CIT: variants seen among roughly 807,000 people sequenced by gnomAD.
The protein encoded by CIT is citron Rho-interacting kinase.
Under a neutral mutation model 272.7 loss-of-function variants are expected in CIT, and 79 were observed. The ratio of observed to expected loss-of-function variants is 0.29; its 90% CI spans 0.24 to 0.35. The LOEUF is 0.35. Ranked by LOEUF, CIT falls within the 10% of genes least tolerant of loss-of-function variation. The pLI is 1.00. For synonymous variants in CIT, 948 were observed against 995.6 expected (o/e 0.95, Z 0.90); for missense variants, 1,909 against 2,618.3 (o/e 0.73, Z 5.91).
At chr12:119,717,652 C>A (rs1957579863) in intron 32 of CIT, among the ~76,000 whole-genome samples, 1 of 150,588 alleles carries the variant, frequency 6.6e-6, no homozygotes, top group Non-Finnish European at 1.5e-5. Context: ...AACTCCTGAC[C>A]TCAGGTGATC....
Position 119,701,567 on chromosome 12 carries a change from A to T in CIT, c.5542+57T>A, listed in dbSNP as rs1020741303. 3 of 1,589,770 alleles carry T rather than the reference A, an allele frequency of 1.9e-6. No homozygotes were observed. In the East Asian group the frequency reaches 6.8e-5, roughly 36 times the overall value. On this transcript the variant is annotated intron_variant, in intron 43 of 47. Transcript: ENST00000392521. ...TCCATGTACCCTCCTCCAACCCCTC[A>T]TGGGTCCCTAGTGTCCATGAGGACC...
At position 119,686,024 on chromosome 12, in the gene CIT, C is replaced by T. The variant is rs1362685057; in HGVS notation, c.*2208G>A. ...GCATCTTGGTGGTCACACGGAGCTC[C>T]CCACCCTCCAGTGAAGATGGCTGTC... On this transcript the variant is annotated 3_prime_UTR_variant, in exon 48 of 48. Transcript: ENST00000392521. 1.3e-5 allele frequency: 2 copies of T among 152,216 alleles called. No individual in the cohort carries two copies. Among genetic ancestry groups the T allele is most frequent in the East Asian group, 1.9e-4 (1 of 5,168 alleles). The allele number at this position is 152,216 out of a possible 1,614,324, so 9.4% of individuals were successfully genotyped here.
At chr12:119,869,487 G>T (rs1045933834) in intron 2 of CIT, among the ~76,000 whole-genome samples, 1 of 152,226 alleles carries the variant, frequency 6.6e-6, no homozygotes, top group Non-Finnish European at 1.5e-5. Flanking sequence ...AGGGTCTGAG[G>T]CTAGTGAGAA....
rs1186165977 is a variant in CIT, at chr12:119,784,979, G to A, written c.1382C>T (p.Ser461Phe). 2 of 1,614,074 alleles carry A rather than the reference G, an allele frequency of 1.2e-6. No individual in the cohort carries two copies. The highest frequency in any genetic ancestry group is 1.7e-6 in the Non-Finnish European group (2 of 1,180,046). ...LLIKSKELQDSQDKCHKMEQE... is the reference protein window; with the variant it reads ...LLIKSKELQDFQDKCHKMEQE... ...AAATACCTTGTGACACTTGTCCTGA[G>A]AGTCTTGTAGCTCTTTGCTTTTGAT... is the stretch of plus-strand genomic sequence containing the variant. The change falls in exon 11 of 48, where the codon TCT becomes TTT. Residue 461 changes from serine to phenylalanine, a missense_variant. By Grantham distance (155) the Ser-to-Phe change is radical. Transcript: ENST00000392521. The surrounding 1 kb of genome is among the most constrained non-coding windows in gnomAD (Gnocchi z 4.7).
intron 3 of CIT, among the ~76,000 whole-genome samples, chr12:119,866,689 T>C (rs1007482061): frequency 6.6e-6 from 1 of 152,090 alleles, no homozygotes; most frequent in Admixed American, 6.6e-5. Context: ...AGTGGTGGCA[T>C]GGGCCTGTAG....
At chr12:119,754,870 G>A (rs1349367432) in intron 22 of CIT, among the ~76,000 whole-genome samples, 1 of 152,208 alleles carries the variant, frequency 6.6e-6, no homozygotes, top group Non-Finnish European at 1.5e-5. Flanking sequence ...GCCCAGATGA[G>A]CTACAGCAGC....
rs35490437 is a variant in CIT at position 119,710,558 on chromosome 12, C to T, written c.4917G>A (p.Thr1639=). The T allele has an allele frequency of 0.021, 33,985 of 1,614,082 alleles. 467 individuals carry two copies. Among genetic ancestry groups the T allele is most frequent in the African/African-American group, 0.049 (3,685 of 75,014 alleles). The change falls in exon 38 of 48, where the codon ACG becomes ACA. Residue 1639 remains threonine, a synonymous_variant. Coordinates refer to ENST00000392521, the MANE Select transcript of CIT (RefSeq NM_001206999.2). This position sits in a 1 kb window ranked among gnomAD's most constrained non-coding sequence, Gnocchi z 5.6. ...GCATTACCTGGTCACTGAAGGGCAG[C>T]GTGCAGTTCATGTCTAGACGGTCAT... is the stretch of plus-strand genomic sequence containing the variant. ...EGDDRLDMNC[T]LPFSDQVVLV... is the part of the protein sequence containing the mutation.
At chr12:119,754,424 C>A (rs1350097964) in intron 22 of CIT, among the ~76,000 whole-genome samples, 3 of 152,212 alleles carry the variant, frequency 2.0e-5, no homozygotes, top group African/African-American at 7.2e-5. Context: ...GCAGAGTGGA[C>A]CTCTACTAGC....
intron 40 of CIT, 57 bp downstream of exon 40, chr12:119,708,122 A>G (rs1956971279): frequency 6.9e-7 from 1 of 1,444,038 alleles, no homozygotes; most frequent in Admixed American, 2.5e-5. Flanking sequence ...CTGTGGGAAG[A>G]GAGGTAGTGT....
In CIT at chr12:119,710,689, C is replaced by A; in HGVS notation, c.4855-69G>T. On this transcript the variant is annotated intron_variant, in intron 37 of 47. Coordinates refer to ENST00000392521, the MANE Select transcript of CIT (RefSeq NM_001206999.2). The surrounding 1 kb of genome is among the most constrained non-coding windows in gnomAD (Gnocchi z 5.6). ...GCTGATCTGTTTATGACCAAACCATCCAGAGAAACCAAGAGAAGGTTAAGG... is the reference window on the plus strand; with the variant it reads ...GCTGATCTGTTTATGACCAAACCATACAGAGAAACCAAGAGAAGGTTAAGG... 2.8e-6 allele frequency: 4 copies of A among 1,433,574 alleles called. No individual in the cohort carries two copies. Among genetic ancestry groups the A allele is most frequent in the Admixed American group, 1.7e-5 (1 of 59,340 alleles). 88.8% of individuals were successfully genotyped at this position (1,433,574 alleles called of 1,614,324 possible). A position where few individuals can be genotyped will look rare whatever the true frequency, so the allele number is the denominator to read the frequency against.
rs1955728094 is a variant in CIT, at chr12:119,688,686, C to G, written c.6187-431G>C. Among the ~76,000 whole-genome samples the G allele has an allele frequency of 2.6e-5, 4 of 152,334 alleles. No individual in the cohort carries two copies. In the South Asian group the frequency reaches 8.3e-4, roughly 32 times the overall value. On this transcript the variant is annotated intron_variant, in intron 47 of 47. Transcript: ENST00000392521. ...GCTAAGGAGGCACCAAGCACTTGAG[C>G]CATGCCCTGCCTGGGGGAGCCCCTG...
At chr12:119,782,434 A>G (rs1437811744) in intron 13 of CIT, 84 bp downstream of exon 13, 11 of 1,498,456 alleles carry the variant, frequency 7.3e-6, no homozygotes, top group African/African-American at 1.4e-5. Context: ...CTTTCTTCCT[A>G]TTTCTCTCTC....
At chr12:119,854,441 C>G (rs998744911) in intron 4 of CIT, among the ~76,000 whole-genome samples, 2 of 150,918 alleles carry the variant, frequency 1.3e-5, no homozygotes, top group African/African-American at 4.9e-5. Context: ...AGTTCGAGAC[C>G]AGCCTGGCCA....
chr12:119,766,381 G>A (rs1962456557), intron 19 of CIT, among the ~76,000 whole-genome samples: 1 of 152,196 alleles, frequency 6.6e-6, no homozygotes, highest in Non-Finnish European at 1.5e-5. Context: ...GCCAGGCACA[G>A]AAGGACAAAC....
Position 119,857,659 on chromosome 12 carries a change from G to A in CIT, c.278C>T (p.Ser93Leu), listed in dbSNP as rs56116097. ...TIAELQELQP[S>L]AKDFEVRSLV... ...ACTTCTGACTTCGAAGTCCTTTGCC[G>A]AAGGCTGGAGCTCCTGTAACTCAGC... Residue 93 changes from serine (S) to leucine (L), a missense_variant, in exon 4 of 48, where the codon TCG (serine) becomes TTG (leucine). Ser to Leu is a moderately radical substitution (Grantham distance 145, BLOSUM62 -2). Coordinates refer to ENST00000392521, the MANE Select transcript of CIT (RefSeq NM_001206999.2). 52 of 1,613,940 alleles carry A rather than the reference G, an allele frequency of 3.2e-5. No individual in the cohort carries two copies. The highest frequency in any genetic ancestry group is 1.6e-4 in the Middle Eastern group (1 of 6,084).
At chr12:119,708,766 G>A (rs925457908) in intron 39 of CIT, among the ~76,000 whole-genome samples, 2 of 152,146 alleles carry the variant, frequency 1.3e-5, no homozygotes, top group Admixed American at 6.5e-5. Flanking sequence ...GAGATTACAG[G>A]CGTGAGCCAC....
chr12:119,861,805 T>C (rs1344874842), intron 3 of CIT, among the ~76,000 whole-genome samples: 2 of 152,146 alleles, frequency 1.3e-5, no homozygotes, highest in African/African-American at 4.8e-5. Flanking sequence ...ATGTGAATGA[T>C]GAAAACTGTT....
chr12:119,737,911 A>C (rs1453265099), intron 24 of CIT, among the ~76,000 whole-genome samples: 1 of 151,930 alleles, frequency 6.6e-6, no homozygotes, highest in Non-Finnish European at 1.5e-5. Context: ...GGACACACCC[A>C]CACACACACA....
chr12:119,721,722 T>A (rs1463985184), intron 28 of CIT, among the ~76,000 whole-genome samples: 3 of 152,182 alleles, frequency 2.0e-5, no homozygotes, highest in Non-Finnish European at 4.4e-5. Flanking sequence ...CAGACAGAGT[T>A]CCAATTGAGG....
Sources: allele counts gnomAD v4.1 joint callset (sites outside exome capture counted in the v4.1 genomes callset), GRCh38; gene constraint gnomAD v4.1.1; non-coding constraint Gnocchi (gnomAD v3.1); transcripts MANE v1.5; gene names NCBI Gene and HGNC (gene_info 2026-07-23, HGNC 2026-07-21).